Variants in ACO1 observed in about 807,000 individuals in gnomAD.
The protein encoded by ACO1 is cytoplasmic aconitate hydratase.
In ACO1, 78 loss-of-function variants were observed where a neutral mutation model predicts 105.1. The observed-to-expected ratio is 0.74, with a 90% CI of 0.62 to 0.90. ACO1 has a LOEUF of 0.90. Among genes scored for constraint, ACO1 ranks in the 40% least tolerant of loss-of-function variants. ACO1 has a pLI of 0.00. For missense variants in ACO1, 965 were observed against 1,111.1 expected (o/e 0.87, Z 1.87); for synonymous variants, 364 against 397.4 (o/e 0.92, Z 1.00).
rs550022329 is a variant in ACO1, at chr9:32,408,773, C to T, written c.404+122C>T. The T allele has an allele frequency of 3.3e-6, 4 of 1,206,976 alleles. No individual in the cohort carries two copies. In the East Asian group the frequency reaches 7.8e-5, roughly 23 times the overall value. The allele number at this position is 1,206,976 out of a possible 1,614,324, so 74.8% of individuals were successfully genotyped here. A position where few individuals can be genotyped will look rare whatever the true frequency, so the allele number is the denominator to read the frequency against. On this transcript the variant is annotated intron_variant, in intron 4 of 20. Transcript: ENST00000309951. Reference sequence around the variant, plus strand: ...TCTTTCAAAGATATCTTCTGAAAAACTTAAACTTCATATACATTTCGCAGT... The same window carrying T: ...TCTTTCAAAGATATCTTCTGAAAAATTTAAACTTCATATACATTTCGCAGT...
chr9:32,390,771 A>G (rs993813719), intron 1 of ACO1, among the ~76,000 whole-genome samples: 3 of 152,192 alleles, frequency 2.0e-5, no homozygotes, highest in Non-Finnish European at 1.5e-5. Flanking sequence ...GAGCCATGAA[A>G]AGAGTCTTAA....
rs1271899890 is a variant in ACO1 at position 32,451,250 on chromosome 9, T to G, written c.*1139T>G. Reference sequence around the variant, plus strand: ...CTCACAGTTATGGAGGCTGGAATTCTGAGATCAAAGTTGAAGCCACTTCAT... The same window carrying G: ...CTCACAGTTATGGAGGCTGGAATTCGGAGATCAAAGTTGAAGCCACTTCAT... On this transcript the variant is annotated 3_prime_UTR_variant, in exon 21 of 21. Transcript: ENST00000309951. 6.6e-6 allele frequency: 1 copy of G among 152,194 alleles called. No homozygotes were observed. The highest frequency in any genetic ancestry group is 1.5e-5 in the Non-Finnish European group (1 of 68,050). 9.4% of individuals were successfully genotyped at this position (152,194 alleles called of 1,614,324 possible). A position where few individuals can be genotyped will look rare whatever the true frequency, so the allele number is the denominator to read the frequency against.
At chr9:32,434,446 T>C in intron 16 of ACO1, 113 bp from the exon 17 acceptor site, 1 of 1,223,324 alleles carries the variant, frequency 8.2e-7, no homozygotes, top group Non-Finnish European at 1.1e-6. Flanking sequence ...TTTCTGTGCA[T>C]TGGTGTGGAA....
intron 16 of ACO1, among the ~76,000 whole-genome samples, chr9:32,434,274 AG>A (rs1822304739): frequency 6.6e-6 from 1 of 152,192 alleles, no homozygotes. Flanking sequence ...GAGGAGTTCT[AG>A]GGATGTGAAG....
intron 1 of ACO1, among the ~76,000 whole-genome samples, chr9:32,388,050 T>G (rs1038419181): frequency 3.3e-5 from 5 of 152,198 alleles, no homozygotes; most frequent in African/African-American, 1.2e-4. Context: ...CCAAGTGTGT[T>G]GAAGTTTTGA....
rs10123372 is a variant in ACO1, at chr9:32,408,498, C to G, written c.267-16C>G. 212,188 of 1,612,048 alleles carry G rather than the reference C, an allele frequency of 0.13. 14,800 individuals are homozygous for G. The highest frequency in any genetic ancestry group is 0.14 in the Non-Finnish European group (165,296 of 1,179,004). On this transcript the variant is annotated splice_polypyrimidine_tract_variant and intron_variant, in intron 3 of 20. Transcript: ENST00000309951. ...TTTAAGGCTTATTTTCTGCATTATT[C>G]TCTTTCTTCTCTTAGGGGTGTGCCC...
chr9:32,396,480 T>C (rs955251355), intron 1 of ACO1, among the ~76,000 whole-genome samples: 5 of 152,276 alleles, frequency 3.3e-5, no homozygotes, highest in African/African-American at 1.2e-4. Context: ...TTCCCCTTTT[T>C]TTGCCTTCAC....
Position 32,427,304 on chromosome 9 carries a change from T to C in ACO1, c.1352T>C (p.Leu451Ser). Residue 451 changes from leucine (L) to serine (S), a missense_variant, in exon 12 of 21, where the codon TTG becomes TCG. Coordinates refer to ENST00000309951, the MANE Select transcript of ACO1 (RefSeq NM_002197.3). Reference protein sequence around the residue: ...SNPSVMLGAGLLAKKAVDAGL... With the variant: ...SNPSVMLGAGSLAKKAVDAGL... The stretch of plus-strand genomic sequence containing the variant: ...ATCTGTGTTTACCATTTCACAGGAT[T>C]GTTAGCAAAGAAAGCTGTGGATGCT... 6.2e-7 allele frequency: 1 copy of C among 1,614,124 alleles called. No individual in the cohort carries two copies. The highest frequency in any genetic ancestry group is 8.5e-7 in the Non-Finnish European group (1 of 1,180,016).
chr9:32,410,120 T>C (rs1437348723), intron 4 of ACO1, among the ~76,000 whole-genome samples: 1 of 152,194 alleles, frequency 6.6e-6, no homozygotes, highest in Non-Finnish European at 1.5e-5. Flanking sequence ...GTTGGAAGTA[T>C]TGGGAGTGAG....
chr9:32,417,479 A>T (rs1466021073), intron 4 of ACO1, among the ~76,000 whole-genome samples: 1 of 152,214 alleles, frequency 6.6e-6, no homozygotes, highest in South Asian at 2.1e-4. Context: ...CCTTGACTCA[A>T]AACAATGCAG....
chr9:32,406,910 A>G (rs1821623194), intron 2 of ACO1, among the ~76,000 whole-genome samples: 1 of 152,164 alleles, frequency 6.6e-6, no homozygotes, highest in Admixed American at 6.5e-5. Context: ...CAGCCTCCCC[A>G]GTAGCTGGGA....
chr9:32,436,119 T>C (rs763069035), intron 17 of ACO1, 131 bp from the exon 18 acceptor site: 1 of 1,252,134 alleles, frequency 8.0e-7, no homozygotes, highest in South Asian at 1.2e-5. Context: ...TGGAGAACAA[T>C]GCTTAGGAGA....
Position 32,420,872 on chromosome 9 carries a change from G to A in ACO1, c.815G>A (p.Gly272Glu). ...LTITKHLRQV[G>E]VVGKFVEFFG... Reference sequence around the variant, plus strand: ...GCTGCTTAGCACCTCCGCCAGGTTGGGGTAGTGGGCAAATTTGTCGAGTTC... The same window carrying A: ...GCTGCTTAGCACCTCCGCCAGGTTGAGGTAGTGGGCAAATTTGTCGAGTTC... Residue 272 changes from glycine (G) to glutamate (E), a missense_variant, in exon 8 of 21, where the codon GGG becomes GAG. Coordinates refer to ENST00000309951, the MANE Select transcript of ACO1 (RefSeq NM_002197.3). 6.2e-7 allele frequency: 1 copy of A among 1,613,830 alleles called. No individual in the cohort carries two copies. Among genetic ancestry groups the A allele is most frequent in the Non-Finnish European group, 8.5e-7 (1 of 1,179,798 alleles).
intron 1 of ACO1, among the ~76,000 whole-genome samples, chr9:32,397,206 G>A (rs931171446): frequency 3.9e-5 from 6 of 152,074 alleles, no homozygotes; most frequent in Non-Finnish European, 7.4e-5. Context: ...GACGTAATGT[G>A]GTTATATTGT....
At chr9:32,408,479 G>C (rs186585841) in intron 3 of ACO1, 35 bp from the exon 4 acceptor site, 216 of 1,612,318 alleles carry the variant, frequency 1.3e-4, no homozygotes, top group Admixed American at 8.7e-4. Flanking sequence ...CACATTTAAG[G>C]CTTATTTTCT....
At chr9:32,403,497 T>G (rs1387944091) in intron 1 of ACO1, among the ~76,000 whole-genome samples, 1 of 152,176 alleles carries the variant, frequency 6.6e-6, no homozygotes, top group African/African-American at 2.4e-5. Flanking sequence ...ACTATATCCA[T>G]CCCAAAAATA....
rs186129048 is a variant in ACO1, at chr9:32,397,262, C to A, written c.-22-8223C>A. 5.5e-3 allele frequency among the ~76,000 whole-genome samples: 844 copies of A among 152,204 alleles called. 7 individuals are homozygous for A. Among genetic ancestry groups the A allele is most frequent in the Non-Finnish European group, 8.3e-3 (562 of 68,002 alleles). On this transcript the variant is annotated intron_variant, in intron 1 of 20. Transcript: ENST00000309951. ...CACTCTTTTCCCCCCAGTTTCTCTC[C>A]AAAAAATAGATAATTGCTCATGTGA...
At chr9:32,403,470 G>A (rs912401813) in intron 1 of ACO1, among the ~76,000 whole-genome samples, 2 of 152,122 alleles carry the variant, frequency 1.3e-5, no homozygotes, top group African/African-American at 4.8e-5. Flanking sequence ...TTTTCTCCAA[G>A]AGCCACCATA....
intron 9 of ACO1, among the ~76,000 whole-genome samples, chr9:32,424,140 A>G (rs1381263324): frequency 6.6e-6 from 1 of 152,170 alleles, no homozygotes; most frequent in Non-Finnish European, 1.5e-5. Context: ...TGATAACTTA[A>G]CGGCTGCATC....
Sources: allele counts gnomAD v4.1 joint callset (sites outside exome capture counted in the v4.1 genomes callset), GRCh38; gene constraint gnomAD v4.1.1; transcripts MANE v1.5; gene names NCBI Gene and HGNC (gene_info 2026-07-23, HGNC 2026-07-21).